The following UBAP1L variants were observed in gnomAD, a reference collection of about 807,000 sequenced individuals.
UBAP1L encodes the protein ubiquitin-associated protein 1-like.
A neutral mutation model predicts 32.1 loss-of-function variants in UBAP1L; 32 were observed. That is an observed-to-expected ratio of 1.00 (90% CI 0.75 to 1.34). The LOEUF is 1.34. Among genes scored for constraint, UBAP1L ranks in the 40% most tolerant of loss-of-function variants. The pLI is 0.00. For missense variants in UBAP1L, 516 were observed against 540.5 expected (o/e 0.95, Z 0.45); for synonymous variants, 243 against 250.2 (o/e 0.97, Z 0.27).
rs1024196344 is a variant in UBAP1L at position 65,111,996 on chromosome 15, C to T, written c.-174+3154G>A. ...ATGGCAAGGGCTACAGTAAAGATAT[C>T]GATATTGCCTAGTTAGAAAGTATTC... On this transcript the variant is annotated intron_variant, in intron 1 of 5. Coordinates refer to ENST00000559089, the MANE Select transcript of UBAP1L (RefSeq NM_001163692.2). Among the ~76,000 whole-genome samples the T allele has an allele frequency of 6.2e-4, 95 of 152,110 alleles. 4 individuals carry two copies. The highest frequency in any genetic ancestry group is 1.0e-4 in the Non-Finnish European group (7 of 68,028).
chr15:65,106,340 C>T lies in UBAP1L; in HGVS notation c.-125G>A. 1.7e-6 allele frequency: 2 copies of T among 1,179,372 alleles called. No homozygotes were observed. Among genetic ancestry groups the T allele is most frequent in the Non-Finnish European group, 2.3e-6 (2 of 880,982 alleles). 73.1% of individuals were successfully genotyped at this position (1,179,372 alleles called of 1,614,324 possible). On this transcript the variant is annotated 5_prime_UTR_variant, in exon 2 of 6. In the 5' UTR this introduces an upstream ATG that the reference lacks. Transcript: ENST00000559089. ...GCCTCACTGCTCTCCTGTGTGGTCA[C>T]TTAGCTGAGCCCCAAACAGCTGGAA...
chr15:65,093,212 A>G lies in UBAP1L; in HGVS notation c.1031T>C (p.Leu344Pro). ...GCCCATGTCACTGAACTGCTCCCAG[A>G]GGCGCAGGAACTCCCCTGCCTGAGG... is the stretch of plus-strand genomic sequence containing the variant. ...SESQAGEFLR[L>P]WEQFSDMGFQ... The change falls in exon 6 of 6, where the codon CTC (leucine) becomes CCC (proline). Residue 344 changes from leucine (L) to proline (P), a missense_variant. By Grantham distance (98) the Leu-to-Pro change is moderately conservative (BLOSUM62 -3). Transcript: ENST00000559089. 1 of 1,547,262 alleles carries G rather than the reference A, an allele frequency of 6.5e-7. No individual in the cohort carries two copies. Among genetic ancestry groups the G allele is most frequent in the Non-Finnish European group, 8.7e-7 (1 of 1,145,752 alleles).
chr15:65,094,729 C>A lies in UBAP1L; in HGVS notation c.910-153G>T. 1 of 661,962 alleles carries A rather than the reference C, an allele frequency of 1.5e-6. No individual in the cohort carries two copies. Among genetic ancestry groups the A allele is most frequent in the Non-Finnish European group, 2.7e-6 (1 of 367,252 alleles). The allele number at this position is 661,962 out of a possible 1,614,324, so 41.0% of individuals were successfully genotyped here. ...TGGCCCCAGAGAGCCCGTGAACCCA[C>A]AGAAGGGGGATAGAGGCTTTCTCTG... On this transcript the variant is annotated intron_variant, in intron 4 of 5. Transcript: ENST00000559089. This position sits in a 1 kb window ranked among gnomAD's most constrained non-coding sequence, Gnocchi z 4.2.
intron 5 of UBAP1L, among the ~76,000 whole-genome samples, chr15:65,093,952 C>A (rs939673505): frequency 1.3e-5 from 2 of 152,158 alleles, no homozygotes; most frequent in African/African-American, 4.8e-5. Flanking sequence ...GAGACCGAGG[C>A]GGGAGAATTG....
chr15:65,112,851 T>C (rs1446145373), intron 1 of UBAP1L, among the ~76,000 whole-genome samples: 1 of 152,196 alleles, frequency 6.6e-6, no homozygotes, highest in African/African-American at 2.4e-5. Flanking sequence ...TACTCATCTC[T>C]GATACTTTCC....
intron 4 of UBAP1L, chr15:65,099,179 A>ACAG: frequency 3.3e-6 from 1 of 305,548 alleles, no homozygotes; most frequent in South Asian, 4.4e-5. Context: ...ACACCCTTTC[A>ACAG]CTGCAGGACT....
chr15:65,094,577 CTG>C lies in UBAP1L; in HGVS notation c.910-3_910-2del, dbSNP rs2087153343. 6.4e-7 allele frequency: 1 copy of C among 1,551,124 alleles called. No individual in the cohort carries two copies. Among genetic ancestry groups the C allele is most frequent in the African/African-American group, 1.4e-5 (1 of 73,160 alleles). On this transcript the variant is annotated splice_acceptor_variant and splice_polypyrimidine_tract_variant and intron_variant, in intron 4 of 5. Transcript: ENST00000559089. LOFTEE classifies it high-confidence loss of function. This position sits in a 1 kb window ranked among gnomAD's most constrained non-coding sequence, Gnocchi z 4.2. ...CACAGGCACTGAGGTAGCTGAGAAA[CTG>C]GGCCGGAAGCGGGCAGAGAGGGAGG...
chr15:65,098,987 T>G (rs1163750680), intron 4 of UBAP1L: 1 of 152,674 alleles, frequency 6.5e-6, no homozygotes, highest in Non-Finnish European at 1.5e-5. Flanking sequence ...CAGGTGCTCT[T>G]ACATTCTTGG....
chr15:65,097,983 A>G (rs2087196639), intron 4 of UBAP1L: 1 of 152,262 alleles, frequency 6.6e-6, no homozygotes, highest in African/African-American at 2.4e-5. Flanking sequence ...AAAAGTGCCA[A>G]CTACCCTGGG....
chr15:65,094,653 C>A lies in UBAP1L; in HGVS notation c.910-77G>T. 9.0e-7 allele frequency: 1 copy of A among 1,111,336 alleles called. No individual in the cohort carries two copies. Among genetic ancestry groups the A allele is most frequent in the Non-Finnish European group, 1.3e-6 (1 of 752,628 alleles). 68.8% of individuals were successfully genotyped at this position (1,111,336 alleles called of 1,614,324 possible). A position where few individuals can be genotyped will look rare whatever the true frequency, so the allele number is the denominator to read the frequency against. On this transcript the variant is annotated intron_variant, in intron 4 of 5. Transcript: ENST00000559089. The surrounding 1 kb of genome is among the most constrained non-coding windows in gnomAD (Gnocchi z 4.2). ...CAGCAGACAGGGCAGAGAGGCACTC[C>A]AAGGGCCTGAGCTGAGGGCCAGGCA...
In UBAP1L at chr15:65,106,132, G is replaced by A. The variant is rs1281643175; in HGVS notation, c.84C>T (p.Ser28=). Residue 28 remains serine, a synonymous_variant, in exon 2 of 6, where the codon AGC becomes AGT. Transcript: ENST00000559089. ...GTEPLPGPEL[S]VPACGEVLLG... ...GCAGAACTTCCCCGCAGGCCGGGAC[G>A]CTGAGTTCTGGCCCAGGGAGAGGCT... 2.6e-6 allele frequency: 4 copies of A among 1,550,838 alleles called. No individual in the cohort carries two copies. Among genetic ancestry groups the A allele is most frequent in the South Asian group, 2.4e-5 (2 of 83,934 alleles).
chr15:65,099,018 C>A (rs2087208513), intron 4 of UBAP1L: 1 of 153,024 alleles, frequency 6.5e-6, no homozygotes. Context: ...GGGTCAAGAC[C>A]TGCTTCCAAA....
intron 1 of UBAP1L, among the ~76,000 whole-genome samples, chr15:65,113,949 C>T (rs796247039): frequency 3.3e-5 from 5 of 152,074 alleles, no homozygotes; most frequent in African/African-American, 7.2e-5. Context: ...TGCAGTGGCT[C>T]GATCTCAGCT....
Position 65,102,524 on chromosome 15 carries a change from A to AT in UBAP1L, c.280dup (p.Ile94AsnfsTer17), listed in dbSNP as rs1442186476. The AT allele has an allele frequency of 2.0e-6, 3 of 1,492,192 alleles. No individual in the cohort carries two copies. In the East Asian group the frequency reaches 7.9e-5, roughly 40 times the overall value. 92.4% of individuals were successfully genotyped at this position (1,492,192 alleles called of 1,614,324 possible). On this transcript the variant is annotated frameshift_variant, in exon 3 of 6. Transcript: ENST00000559089. LOFTEE classifies it high-confidence loss of function. The surrounding 1 kb of genome is among the most constrained non-coding windows in gnomAD (Gnocchi z 5.0). ...CTGGTGTCCGGCCTCCGGGTCTCTG[A>AT]TTGTGGTGGGCGCAGGCGCCAGCCC...
In UBAP1L at chr15:65,099,487, C is replaced by T. The variant is rs1278875405; in HGVS notation, c.909+18G>A. Reference sequence around the variant, plus strand: ...GCTCCAGCATCACAGCTCATCAGCTCTGGGTCCCCCAACTCACCTGGCTCA... The same window carrying T: ...GCTCCAGCATCACAGCTCATCAGCTTTGGGTCCCCCAACTCACCTGGCTCA... On this transcript the variant is annotated intron_variant, in intron 4 of 5. Transcript: ENST00000559089. The T allele has an allele frequency of 6.5e-7, 1 of 1,548,474 alleles. No individual in the cohort carries two copies. Among genetic ancestry groups the T allele is most frequent in the East Asian group, 2.4e-5 (1 of 40,916 alleles).
At chr15:65,103,290 A>C (rs1300116252) in intron 2 of UBAP1L, among the ~76,000 whole-genome samples, 1 of 152,220 alleles carries the variant, frequency 6.6e-6, no homozygotes, top group Non-Finnish European at 1.5e-5. Context: ...TTAGATTGGC[A>C]GTGAGTGGCT....
At chr15:65,111,826 T>C (rs1186409401) in intron 1 of UBAP1L, among the ~76,000 whole-genome samples, 1 of 151,682 alleles carries the variant, frequency 6.6e-6, no homozygotes, top group Non-Finnish European at 1.5e-5. Context: ...AGTCTTGCTC[T>C]GTCACCCAGG....
chr15:65,101,146 C>G (rs915161763), intron 3 of UBAP1L: 1 of 152,222 alleles, frequency 6.6e-6, no homozygotes, highest in Non-Finnish European at 1.5e-5. Flanking sequence ...CCTCAGGTCT[C>G]TGTCTTGCAG....
At chr15:65,113,270 G>A (rs996687551) in intron 1 of UBAP1L, among the ~76,000 whole-genome samples, 1 of 152,178 alleles carries the variant, frequency 6.6e-6, no homozygotes, top group African/African-American at 2.4e-5. Flanking sequence ...GTTCCTGGCT[G>A]TTTTCAAAAT....
Sources: allele counts gnomAD v4.1 joint callset (sites outside exome capture counted in the v4.1 genomes callset), GRCh38; gene constraint gnomAD v4.1.1; non-coding constraint Gnocchi (gnomAD v3.1); transcripts MANE v1.5; gene names NCBI Gene and HGNC (gene_info 2026-07-23, HGNC 2026-07-21).